LRBA: variants seen among roughly 807,000 people sequenced by gnomAD.
The protein encoded by LRBA is LPS responsive beige-like anchor protein.
LRBA carries 176 observed loss-of-function variants against 330.0 expected under a neutral mutation model. That is an observed-to-expected ratio of 0.53 (90% CI 0.47 to 0.60). The LOEUF (loss-of-function observed/expected upper bound fraction) is 0.60, where lower values mean the gene tolerates loss of function less well. Ranked by LOEUF, LRBA falls within the 20% of genes least tolerant of loss-of-function variation. LRBA has a pLI of 0.00. For synonymous variants in LRBA, 1,230 were observed against 1,193.0 expected, an observed-to-expected ratio of 1.03 and a Z score of -0.64; for missense variants, 3,259 against 3,444.8, an observed-to-expected ratio of 0.95 and a Z score of 1.35.
chr4:150,771,082 A>G (rs1038757230), intron 34 of LRBA, among the ~76,000 whole-genome samples: 3 of 152,184 alleles, frequency 2.0e-5, no homozygotes, highest in Non-Finnish European at 4.4e-5. Flanking sequence ...CAATGGAATC[A>G]TTGTTGTGCC....
chr4:150,460,116 G>A (rs1754581120), intron 44 of LRBA, among the ~76,000 whole-genome samples: 1 of 151,574 alleles, frequency 6.6e-6, no homozygotes, highest in Non-Finnish European at 1.5e-5. Context: ...ATCTGTTACA[G>A]AGCAGACTAA....
At chr4:150,636,704 G>A (rs990108401) in intron 37 of LRBA, among the ~76,000 whole-genome samples, 2 of 152,166 alleles carry the variant, frequency 1.3e-5, no homozygotes, top group Non-Finnish European at 2.9e-5. Flanking sequence ...CTGGAGTGCA[G>A]TGACACAATC....
At chr4:150,489,113 C>CATATATTATATATAAGAATATATA (rs1561249273) in intron 41 of LRBA, among the ~76,000 whole-genome samples, 1 of 40,342 alleles carries the variant, frequency 2.5e-5, no homozygotes, top group Non-Finnish European at 4.0e-5. Context: ...TATTATATAT[C>CATATATTATATATAAGAATATATA]ATATATAATA....
In LRBA at chr4:150,884,002, GAGAAA is replaced by G. The variant is rs1220348082; in HGVS notation, c.2165+9045_2165+9049del. ...TTTTCACTGAAAAATATTTATTGTTGAGAAATTGCTAGAAATTCAGGTAAGAATAT... is the reference window on the plus strand; with the variant it reads ...TTTTCACTGAAAAATATTTATTGTTGTTGCTAGAAATTCAGGTAAGAATAT... On this transcript the variant is annotated intron_variant, in intron 17 of 56. Coordinates refer to ENST00000651943, the MANE Select transcript of LRBA (RefSeq NM_001364905.1). Among the ~76,000 whole-genome samples the G allele has an allele frequency of 3.3e-5, 5 of 152,238 alleles. No homozygotes were observed. In the East Asian group the frequency reaches 9.6e-4, roughly 29 times the overall value.
At position 150,852,807 on chromosome 4, in the gene LRBA, G is replaced by T; in HGVS notation, c.2903C>A (p.Ser968Ter). The T allele has an allele frequency of 6.2e-7, 1 of 1,613,986 alleles. No individual in the cohort carries two copies. The highest frequency in any genetic ancestry group is 8.5e-7 in the Non-Finnish European group (1 of 1,179,940). ...ASGIRRDINV[S>*]VGSQQPDTKD... ...CGTATCTGGTTGCTGGGATCCTACT[G>T]AAACATTAATATCCCTTCTAATGCC... The change falls in exon 23 of 57, where the codon TCA (serine) becomes TAA (stop). Residue 968 changes from serine (S) to a stop codon, truncating the protein, a stop_gained. Coordinates refer to ENST00000651943, the MANE Select transcript of LRBA (RefSeq NM_001364905.1). LOFTEE classifies it high-confidence loss of function.
rs1171138555 is a variant in LRBA, at chr4:150,583,006, T to C, written c.6330+5042A>G. 1 of 1,557,732 alleles carries C rather than the reference T, an allele frequency of 6.4e-7. No homozygotes were observed. The highest frequency in any genetic ancestry group is 1.9e-5 in the Admixed American group (1 of 53,332). The stretch of plus-strand genomic sequence containing the variant: ...CTCAACGTATTGCGAGACGCCGGTG[T>C]ATAGCCCGGACCTGTGCCCCAACAT... On this transcript the variant is annotated intron_variant, in intron 40 of 56. Coordinates refer to ENST00000651943, the MANE Select transcript of LRBA (RefSeq NM_001364905.1). The surrounding 1 kb of genome is among the most constrained non-coding windows in gnomAD (Gnocchi z 9.8).
intron 9 of LRBA, 59 bp downstream of exon 9, chr4:150,914,136 C>A: frequency 7.2e-7 from 1 of 1,394,350 alleles, no homozygotes; most frequent in Non-Finnish European, 9.6e-7. Flanking sequence ...CCATGTATAA[C>A]CCACCTTCAA....
At position 150,848,780 on chromosome 4, in the gene LRBA, T is replaced by A. The variant is rs745637720; in HGVS notation, c.4339+38A>T. ...TGTCATCTCTGAATTACTGAAAAAT[T>A]TTTTTTAGTAAATTCCCAACGGTTT... On this transcript the variant is annotated intron_variant, in intron 26 of 56. Coordinates refer to ENST00000651943, the MANE Select transcript of LRBA (RefSeq NM_001364905.1). 2.0e-6 allele frequency: 3 copies of A among 1,528,076 alleles called. No homozygotes were observed. The African/African-American group carries it at 4.2e-5, about 21-fold the overall frequency. The allele number at this position is 1,528,076 out of a possible 1,614,324, so 94.7% of individuals were successfully genotyped here.
intron 2 of LRBA, among the ~76,000 whole-genome samples, chr4:150,974,353 T>C (rs141376584): frequency 6.6e-6 from 1 of 152,256 alleles, no homozygotes; most frequent in Non-Finnish European, 1.5e-5. Flanking sequence ...TCCCTTTGAG[T>C]ATTTGGATGA....
intron 37 of LRBA, among the ~76,000 whole-genome samples, chr4:150,660,392 G>A (rs1780890443): frequency 7.4e-6 from 1 of 135,520 alleles, no homozygotes; most frequent in Admixed American, 7.4e-5. Flanking sequence ...CCCCGTCCGG[G>A]AGGTGAGGGG....
chr4:150,877,245 A>C (rs545180571), intron 17 of LRBA, among the ~76,000 whole-genome samples: 24 of 149,968 alleles, frequency 1.6e-4, no homozygotes, highest in African/African-American at 5.7e-4. Context: ...ATGACAGAGC[A>C]AGACTCCGTA....
intron 2 of LRBA, among the ~76,000 whole-genome samples, chr4:150,991,053 CAAAA>C (rs543266001): frequency 6.7e-5 from 4 of 60,008 alleles, no homozygotes; most frequent in Admixed American, 3.3e-4. Context: ...ACTCTGTCTC[CAAAA>C]AAAAAAAAAA....
chr4:150,814,624 TA>T (rs1232713876), intron 31 of LRBA, among the ~76,000 whole-genome samples: 2 of 149,920 alleles, frequency 1.3e-5, no homozygotes, highest in Non-Finnish European at 3.0e-5. Context: ...GAAAAAGCAA[TA>T]ACTGTTTTTT....
intron 17 of LRBA, among the ~76,000 whole-genome samples, chr4:150,892,259 T>C (rs2127094471): frequency 6.6e-6 from 1 of 152,360 alleles, no homozygotes; most frequent in African/African-American, 2.4e-5. Context: ...TCTGTTTTTG[T>C]TGTTGATGAC....
intron 53 of LRBA, among the ~76,000 whole-genome samples, chr4:150,292,602 C>A (rs1580920350): frequency 6.6e-6 from 1 of 152,152 alleles, no homozygotes; most frequent in East Asian, 1.9e-4. Context: ...TCACATATCC[C>A]ACTTGTTCAC....
intron 55 of LRBA, among the ~76,000 whole-genome samples, chr4:150,280,233 C>T (rs1463246331): frequency 2.6e-5 from 4 of 152,172 alleles, no homozygotes; most frequent in Non-Finnish European, 4.4e-5. Flanking sequence ...AGGCCGCCTC[C>T]GCATCCAGGT....
chr4:150,446,410 ACACT>A (rs1427062817), intron 44 of LRBA, among the ~76,000 whole-genome samples: 3 of 152,210 alleles, frequency 2.0e-5, no homozygotes, highest in African/African-American at 7.2e-5. Flanking sequence ...GCAACAGAAG[ACACT>A]CTAATAATTC....
In LRBA at chr4:150,638,275, C is replaced by T. The variant is rs186209181; in HGVS notation, c.5922-39144G>A. 3.0e-3 allele frequency among the ~76,000 whole-genome samples: 458 copies of T among 152,244 alleles called. 3 individuals are homozygous for T. Among genetic ancestry groups the T allele is most frequent in the African/African-American group, 0.011 (440 of 41,550 alleles). ...AACTCCTGACCTCGTGATCCACCCG[C>T]CTCAGCCTACCAAAGCGCTGGGATT... is the stretch of plus-strand genomic sequence containing the variant. On this transcript the variant is annotated intron_variant, in intron 37 of 56. Coordinates refer to ENST00000651943, the MANE Select transcript of LRBA (RefSeq NM_001364905.1).
chr4:150,844,632 G>T, intron 27 of LRBA, 26 bp downstream of exon 27: 1 of 1,574,598 alleles, frequency 6.4e-7, no homozygotes, highest in South Asian at 1.2e-5. Flanking sequence ...TATGCTTTTT[G>T]AAAATTAATT....
Sources: gnomAD v4.1 joint callset for allele counts (sites outside exome capture counted in the v4.1 genomes callset) on GRCh38, gnomAD v4.1.1 for gene constraint, Gnocchi (gnomAD v3.1) non-coding constraint, MANE v1.5 for transcripts, NCBI Gene and HGNC (gene_info 2026-07-23, HGNC 2026-07-21) for gene names.